VGLL4: variants seen among roughly 807,000 people sequenced by gnomAD.
VGLL4 encodes the protein transcription cofactor vestigial-like protein 4.
A neutral mutation model predicts 21.0 loss-of-function variants in VGLL4; 7 were observed. The observed-to-expected ratio is 0.33, with a 90% confidence interval of 0.19 to 0.63. The LOEUF (loss-of-function observed/expected upper bound fraction) is 0.63. Ranked by LOEUF, VGLL4 falls within the 20% of genes least tolerant of loss-of-function variation. The probability of loss-of-function intolerance (pLI) is 0.78; values close to 1 mark genes in which losing one functional copy is unlikely to be tolerated. For missense variants in VGLL4, 394 were observed against 425.7 expected, an observed-to-expected ratio of 0.93 and a Z score of 0.66; for synonymous variants, 222 against 173.2, an observed-to-expected ratio of 1.28 and a Z score of -2.21.
chr3:11,558,738 C>A lies in VGLL4; in HGVS notation c.709G>T (p.Val237Leu), dbSNP rs147755206. 4 of 1,614,094 alleles carry A rather than the reference C, an allele frequency of 2.5e-6. No homozygotes were observed. Among genetic ancestry groups the A allele is most frequent in the African/African-American group, 2.7e-5 (2 of 74,940 alleles). ...YKEPEPAPNSVSITGSVDDHF... is the reference protein window; with the variant it reads ...YKEPEPAPNSLSITGSVDDHF... Reference sequence around the variant, plus strand: ...TCGTCCACGGAGCCCGTGATGGACACGGAGTTGGGTGCCGGCTCGGGCTCC... The same window carrying A: ...TCGTCCACGGAGCCCGTGATGGACAAGGAGTTGGGTGCCGGCTCGGGCTCC... The change falls in exon 5 of 5, where the codon GTG (valine) becomes TTG (leucine). Residue 237 changes from valine (V) to leucine (L), a missense_variant. By Grantham distance (32) the Val-to-Leu change is conservative. Coordinates refer to ENST00000430365, the MANE Select transcript of VGLL4 (RefSeq NM_001128219.3).
chr3:11,562,627 A>T (rs2073123364), intron 3 of VGLL4, among the ~76,000 whole-genome samples: 1 of 152,220 alleles, frequency 6.6e-6, no homozygotes, highest in South Asian at 2.1e-4. Flanking sequence ...CCCAGCTCGG[A>T]TTGGTGTGCA....
chr3:11,702,399 C>T (rs1453174048), intron 2 of VGLL4, among the ~76,000 whole-genome samples: 1 of 141,908 alleles, frequency 7.0e-6, no homozygotes, highest in African/African-American at 2.7e-5. Flanking sequence ...CATTTGAGGT[C>T]AGGAGTTTGA....
At chr3:11,721,090 A>T (rs1214305502), upstream of VGLL4, 1 of 152,202 alleles carries the variant, frequency 6.6e-6, no homozygotes, top group Non-Finnish European at 1.5e-5. Context: ...GGCTGTTCTC[A>T]AACCTCAGTC....
At position 11,653,456 on chromosome 3, in the gene VGLL4, G is replaced by C. The variant is rs2075908394; in HGVS notation, c.64+49515C>G. Among the ~76,000 whole-genome samples the C allele has an allele frequency of 6.6e-6, 1 of 152,134 alleles. No homozygotes were observed. The highest frequency in any genetic ancestry group is 2.4e-5 in the African/African-American group (1 of 41,414). On this transcript the variant is annotated intron_variant, in intron 2 of 5. Transcript: ENST00000273038. This position sits in a 1 kb window ranked among gnomAD's most constrained non-coding sequence, Gnocchi z 4.2. The stretch of plus-strand genomic sequence containing the variant: ...ATGAGTGGTAGCATTATTTTTATGT[G>C]CAGTTGCATAGCATTCATTTGCATT...
At chr3:11,608,287 C>T (rs2074990536) in intron 1 of VGLL4, among the ~76,000 whole-genome samples, 1 of 152,064 alleles carries the variant, frequency 6.6e-6, no homozygotes, top group South Asian at 2.1e-4. Flanking sequence ...ATGTATTTGG[C>T]CTTTTACATG....
chr3:11,617,991 T>C (rs2574724), intron 1 of VGLL4, among the ~76,000 whole-genome samples: 7,546 of 152,312 alleles, frequency 0.05, 315 homozygotes, highest in South Asian at 0.18. Flanking sequence ...GGGGTTGTGC[T>C]AAGAGCTTCC....
chr3:11,659,145 A>T (rs1381855045), intron 2 of VGLL4, among the ~76,000 whole-genome samples: 1 of 152,154 alleles, frequency 6.6e-6, no homozygotes, highest in Non-Finnish European at 1.5e-5. Flanking sequence ...ACGTTAACGA[A>T]GATCTCACTC....
chr3:11,660,525 T>C (rs2076023097), intron 2 of VGLL4, among the ~76,000 whole-genome samples: 1 of 152,230 alleles, frequency 6.6e-6, no homozygotes, highest in Admixed American at 6.5e-5. Flanking sequence ...TTCTGTTGGA[T>C]TCCCACTTGC....
chr3:11,686,038 A>G (rs2076442436), intron 2 of VGLL4, among the ~76,000 whole-genome samples: 1 of 152,178 alleles, frequency 6.6e-6, no homozygotes, highest in African/African-American at 2.4e-5. Context: ...ACAAAATAAC[A>G]AATGTTGGTG....
rs549357718 is a variant in VGLL4, at chr3:11,584,063, T to C, written c.272+17770A>G. 2.0e-5 allele frequency among the ~76,000 whole-genome samples: 3 copies of C among 152,348 alleles called. No homozygotes were observed. In the South Asian group the frequency reaches 6.2e-4, roughly 32 times the overall value. ...CATTTTACGAGGCTTTTCCATTAAATAAAAGATTTAATGATTTGGCCACAT... is the reference window on the plus strand; with the variant it reads ...CATTTTACGAGGCTTTTCCATTAAACAAAAGATTTAATGATTTGGCCACAT... On this transcript the variant is annotated intron_variant, in intron 2 of 4. Coordinates refer to ENST00000430365, the MANE Select transcript of VGLL4 (RefSeq NM_001128219.3).
intron 2 of VGLL4, among the ~76,000 whole-genome samples, chr3:11,692,205 G>A (rs2076536724): frequency 6.6e-6 from 1 of 152,116 alleles, no homozygotes; most frequent in Admixed American, 6.5e-5. Flanking sequence ...CATCCATTAT[G>A]CTAATTAACA....
chr3:11,650,304 G>A (rs891074863), intron 2 of VGLL4, among the ~76,000 whole-genome samples: 2 of 152,150 alleles, frequency 1.3e-5, no homozygotes, highest in Non-Finnish European at 1.5e-5. Flanking sequence ...GCAATATGAC[G>A]ATAGAAGAAA....
chr3:11,576,835 G>C (rs2074064933), intron 2 of VGLL4, among the ~76,000 whole-genome samples: 1 of 152,246 alleles, frequency 6.6e-6, no homozygotes, highest in African/African-American at 2.4e-5. Flanking sequence ...AGAGGGTGGA[G>C]AGAGAGCCCA....
chr3:11,601,877 G>A lies in VGLL4; in HGVS notation c.228C>T (p.Asp76=), dbSNP rs996339139. The change falls in exon 2 of 5, where the codon GAC becomes GAT. Residue 76 remains aspartate (D), a synonymous_variant. Transcript: ENST00000430365. ...MEPGDEDLDC[D]NDHVSKMSRI... ...GACTCATTTTGGAGACGTGGTCGTT[G>A]TCACAGTCTAGGTCCTCGTCACCTG... The A allele has an allele frequency of 1.9e-6, 3 of 1,613,798 alleles. No individual in the cohort carries two copies. Among genetic ancestry groups the A allele is most frequent in the Middle Eastern group, 3.3e-4 (2 of 6,058 alleles).
chr3:11,704,578 G>A (rs113240535), intron 1 of VGLL4, among the ~76,000 whole-genome samples: 17 of 152,060 alleles, frequency 1.1e-4, no homozygotes, highest in South Asian at 8.3e-4. Flanking sequence ...GAGACATCTA[G>A]TTTAAGGCAG....
chr3:11,708,426 A>C (rs2076792012), intron 1 of VGLL4, among the ~76,000 whole-genome samples: 1 of 152,200 alleles, frequency 6.6e-6, no homozygotes. Context: ...TGCTGAGACC[A>C]ACACACAAAA....
At chr3:11,663,042 G>A (rs2076058946) in intron 2 of VGLL4, among the ~76,000 whole-genome samples, 1 of 152,206 alleles carries the variant, frequency 6.6e-6, no homozygotes, top group Non-Finnish European at 1.5e-5. Context: ...TTCTGAGAGG[G>A]GAAGAGTAAA....
At chr3:11,652,080 TG>T (rs1311495955) in intron 2 of VGLL4, among the ~76,000 whole-genome samples, 2 of 152,194 alleles carry the variant, frequency 1.3e-5, no homozygotes, top group Non-Finnish European at 2.9e-5. Flanking sequence ...AAACTTTAAA[TG>T]GGTCTTCAGA....
intron 2 of VGLL4, among the ~76,000 whole-genome samples, chr3:11,689,979 C>T (rs958479644): frequency 6.6e-6 from 1 of 152,174 alleles, no homozygotes; most frequent in Non-Finnish European, 1.5e-5. Flanking sequence ...AGGGATCTGA[C>T]ACTCTGCTCG....
Sources: gnomAD v4.1 joint callset for allele counts (sites outside exome capture counted in the v4.1 genomes callset) on GRCh38, gnomAD v4.1.1 for gene constraint, Gnocchi (gnomAD v3.1) non-coding constraint, MANE v1.5 for transcripts, NCBI Gene and HGNC (gene_info 2026-07-23, HGNC 2026-07-21) for gene names.